Variants in VANGL1 observed in about 807,000 individuals in gnomAD.
The protein encoded by VANGL1 is vang-like protein 1.
Under a neutral mutation model 48.4 loss-of-function variants are expected in VANGL1, and 18 were observed. That is an observed-to-expected ratio of 0.37 (90% CI 0.26 to 0.55). VANGL1 has a LOEUF of 0.55. VANGL1 is among the 20% of genes least tolerant of loss of function. The pLI is 0.81. For missense variants in VANGL1, 667 were observed against 675.8 expected, an observed-to-expected ratio of 0.99 and a Z score of 0.14; for synonymous variants, 257 against 261.8, an observed-to-expected ratio of 0.98 and a Z score of 0.18.
chr1:115,662,339 T>A (rs943012762), intron 3 of VANGL1, among the ~76,000 whole-genome samples: 2 of 152,220 alleles, frequency 1.3e-5, no homozygotes, highest in African/African-American at 4.8e-5. Context: ...TTCACCCCCT[T>A]TGCCACTGCA....
At chr1:115,670,215 G>A (rs1452524895) in intron 4 of VANGL1, among the ~76,000 whole-genome samples, 2 of 152,182 alleles carry the variant, frequency 1.3e-5, no homozygotes. Flanking sequence ...CTAGAACGTT[G>A]ATCTTGGACC....
At chr1:115,665,976 G>T (rs4440851) in intron 4 of VANGL1, among the ~76,000 whole-genome samples, 27,185 of 152,112 alleles carry the variant, frequency 0.18, 2,822 homozygotes, top group African/African-American at 0.29. Context: ...CAGGCCTGGG[G>T]GTATAGGTGA....
In VANGL1 at chr1:115,679,847, A is replaced by T. The variant is rs1011580241; in HGVS notation, c.813-2517A>T. Among the ~76,000 whole-genome samples the T allele has an allele frequency of 9.3e-4, 141 of 151,498 alleles. 2 individuals carry two copies. In the Middle Eastern group the frequency reaches 0.01, roughly 11 times the overall value. ...TTTCTTTATCAGTGGAGGAGGGGGG[A>T]TGAAGTGAGTTTGAACCCCAGTGGG... On this transcript the variant is annotated intron_variant, in intron 4 of 7. Transcript: ENST00000355485.
chr1:115,684,232 A>G (rs1179068438), intron 6 of VANGL1, among the ~76,000 whole-genome samples, 156 bp downstream of exon 6: 1 of 151,926 alleles, frequency 6.6e-6, no homozygotes, highest in Non-Finnish European at 1.5e-5. Flanking sequence ...TCTGCCTCCC[A>G]GGTTCCAGTG....
At position 115,683,930 on chromosome 1, in the gene VANGL1, T is replaced by C. The variant is rs1339053466; in HGVS notation, c.947-14T>C. Reference sequence around the variant, plus strand: ...TGGTATTAACACTATTCTTTCACTGTCCTTTCCCCAAAGGCCCCAGTAACA... The same window carrying C: ...TGGTATTAACACTATTCTTTCACTGCCCTTTCCCCAAAGGCCCCAGTAACA... On this transcript the variant is annotated splice_polypyrimidine_tract_variant and intron_variant, in intron 5 of 7. Coordinates refer to ENST00000355485, the MANE Select transcript of VANGL1 (RefSeq NM_138959.3). 5.0e-6 allele frequency: 8 copies of C among 1,612,826 alleles called. No individual in the cohort carries two copies. The highest frequency in any genetic ancestry group is 3.3e-5 in the South Asian group (3 of 91,054).
At chr1:115,691,039 T>G (rs1653808481) in intron 7 of VANGL1, 80 bp from the exon 8 acceptor site, 2 of 1,603,436 alleles carry the variant, frequency 1.2e-6, no homozygotes, top group African/African-American at 2.7e-5. Flanking sequence ...TTTATAGATG[T>G]GAGAGTGGAT....
chr1:115,681,796 C>CG (rs1653404603), intron 4 of VANGL1, among the ~76,000 whole-genome samples: 1 of 152,142 alleles, frequency 6.6e-6, no homozygotes, highest in South Asian at 2.1e-4. Context: ...CGTGAGCCAC[C>CG]GCGCGTGGCC....
rs199831777 is a variant in VANGL1, at chr1:115,693,120, G to A, written c.*1741G>A. On this transcript the variant is annotated 3_prime_UTR_variant, in exon 8 of 8. Coordinates refer to ENST00000355485, the MANE Select transcript of VANGL1 (RefSeq NM_138959.3). Reference sequence around the variant, plus strand: ...GAGAAGAAGGAAGGGGGAACCCATAGGTGTGGCGTGGAGCCAAGATGTACT... The same window carrying A: ...GAGAAGAAGGAAGGGGGAACCCATAAGTGTGGCGTGGAGCCAAGATGTACT... 9.2e-5 allele frequency: 14 copies of A among 152,702 alleles called. No individual in the cohort carries two copies. In the East Asian group the frequency reaches 2.7e-3, roughly 29 times the overall value. The allele number at this position is 152,702 out of a possible 1,614,324, so 9.5% of individuals were successfully genotyped here.
chr1:115,662,414 C>T (rs1342846426), intron 3 of VANGL1, among the ~76,000 whole-genome samples: 1 of 152,182 alleles, frequency 6.6e-6, no homozygotes, highest in African/African-American at 2.4e-5. Context: ...CCTCTTTGGC[C>T]TCCTGTGTCT....
At chr1:115,675,531 G>A (rs1163334403) in intron 4 of VANGL1, among the ~76,000 whole-genome samples, 1 of 152,156 alleles carries the variant, frequency 6.6e-6, no homozygotes, top group Non-Finnish European at 1.5e-5. Context: ...CAGGTTTGGT[G>A]ACTCACACCT....
At chr1:115,690,834 C>A (rs115900220) in intron 7 of VANGL1, among the ~76,000 whole-genome samples, 2 of 152,196 alleles carry the variant, frequency 1.3e-5, no homozygotes, top group Non-Finnish European at 2.9e-5. Context: ...CAGCCAGACA[C>A]TGACACCAGC....
At chr1:115,687,705 C>CTGTGTG (rs56094677) in intron 7 of VANGL1, among the ~76,000 whole-genome samples, 3,133 of 112,814 alleles carry the variant, frequency 0.028, 450 homozygotes, top group South Asian at 0.058. Flanking sequence ...CTCTCTTTCT[C>CTGTGTG]TGTGTGTGTG....
chr1:115,651,017 G>A (rs934560635), intron 1 of VANGL1, among the ~76,000 whole-genome samples: 1 of 152,054 alleles, frequency 6.6e-6, no homozygotes, highest in African/African-American at 2.4e-5. Flanking sequence ...TCATCCTGAG[G>A]ACGTGGACAA....
Position 115,691,354 on chromosome 1 carries a change from G to A in VANGL1, c.1550G>A (p.Arg517His), listed in dbSNP as rs148512517. ...CCCAAATCTCACAAATTTGTCCTTC[G>A]CTTACAGTCTGAGACATCCGTTTAA... ...IDPKSHKFVL[R>H]LQSETSV Residue 517 changes from arginine to histidine, a missense_variant, in exon 8 of 8, where the codon CGC becomes CAC. Transcript: ENST00000355485. 4.0e-5 allele frequency: 65 copies of A among 1,613,714 alleles called. No individual in the cohort carries two copies. Among genetic ancestry groups the A allele is most frequent in the Admixed American group, 1.3e-4 (8 of 59,968 alleles).
chr1:115,651,324 T>TAAAACC lies in VANGL1; in HGVS notation c.-90_-89insAAAACC. 1.1e-5 allele frequency: 12 copies of TAAAACC among 1,141,022 alleles called. No individual in the cohort carries two copies. Among genetic ancestry groups the TAAAACC allele is most frequent in the Non-Finnish European group, 1.6e-5 (12 of 767,704 alleles). The allele number at this position is 1,141,022 out of a possible 1,614,324, so 70.7% of individuals were successfully genotyped here. A position where few individuals can be genotyped will look rare whatever the true frequency, so the allele number is the denominator to read the frequency against. ...GCTCCTCTTCTAATTTCCAGACTCC[T>TAAAACC]TGAGGTTTTAGGAGTCTGGTAGGTG... On this transcript the variant is annotated 5_prime_UTR_variant, in exon 2 of 8. Transcript: ENST00000355485.
At chr1:115,666,880 T>G (rs1220041420) in intron 4 of VANGL1, among the ~76,000 whole-genome samples, 1 of 152,208 alleles carries the variant, frequency 6.6e-6, no homozygotes, top group African/African-American at 2.4e-5. Flanking sequence ...TGGAGCAGGC[T>G]TGGCACCTTT....
intron 3 of VANGL1, among the ~76,000 whole-genome samples, chr1:115,662,186 G>A (rs10923143): frequency 0.66 from 99,944 of 152,004 alleles, 33,852 homozygotes; most frequent in Non-Finnish European, 0.74. Flanking sequence ...CACCACCACC[G>A]CTTCTTACCA....
rs1229656256 is a variant in VANGL1, at chr1:115,670,007, C to A, written c.812+5739C>A. ...CAGTGTGGCATATTTGGAGATGGAG[C>A]CCCTAAGGAAGTAATTGAGGTTAAA... On this transcript the variant is annotated intron_variant, in intron 4 of 7. Transcript: ENST00000355485. Among the ~76,000 whole-genome samples, 3 of 152,112 alleles carry A rather than the reference C, an allele frequency of 2.0e-5. No individual in the cohort carries two copies. In the East Asian group the frequency reaches 5.8e-4, roughly 29 times the overall value.
intron 7 of VANGL1, among the ~76,000 whole-genome samples, chr1:115,689,116 T>C (rs1248639463): frequency 7.2e-6 from 1 of 138,022 alleles, no homozygotes; most frequent in Non-Finnish European, 1.6e-5. Flanking sequence ...AATAATGTGA[T>C]AGAAAAATTT....
Sources: allele counts gnomAD v4.1 joint callset (sites outside exome capture counted in the v4.1 genomes callset), GRCh38; gene constraint gnomAD v4.1.1; transcripts MANE v1.5; gene names NCBI Gene and HGNC (gene_info 2026-07-23, HGNC 2026-07-21).